The following PCCB variants were observed in gnomAD, a reference collection of about 807,000 sequenced individuals.
The protein encoded by PCCB is propionyl-CoA carboxylase beta chain, mitochondrial.
A neutral mutation model predicts 60.7 loss-of-function variants in PCCB; 43 were observed. The ratio of observed to expected loss-of-function variants is 0.71; its 90% confidence interval spans 0.55 to 0.91. The LOEUF (loss-of-function observed/expected upper bound fraction) is 0.91. PCCB is among the 40% of genes least tolerant of loss of function. The pLI is 0.00. For synonymous variants in PCCB, 276 were observed against 255.9 expected (o/e 1.08, Z -0.75); for missense variants, 766 against 702.8 (o/e 1.09, Z -1.02).
At chr3:136,318,415 T>C (rs994928137) in intron 10 of PCCB, among the ~76,000 whole-genome samples, 3 of 152,152 alleles carry the variant, frequency 2.0e-5, no homozygotes, top group Admixed American at 2.0e-4. Flanking sequence ...GTAAAATATA[T>C]ATAACAAAAT....
intron 9 of PCCB, among the ~76,000 whole-genome samples, chr3:136,307,528 G>A (rs1007759481): frequency 6.6e-6 from 1 of 151,604 alleles, no homozygotes; most frequent in African/African-American, 2.4e-5. Flanking sequence ...GCATCAAAAG[G>A]CATAATTACA....
chr3:136,300,120 G>A (rs567669357), intron 8 of PCCB, among the ~76,000 whole-genome samples: 48 of 151,180 alleles, frequency 3.2e-4, no homozygotes, highest in African/African-American at 1.1e-3. Context: ...ATATCTACAC[G>A]TGTATATATG....
rs370726053 is a variant in PCCB, at chr3:136,256,638, C to A, written c.372+15C>A. ...TCTTCAGTCAGGTATTTCATAACTC[C>A]AATAGTCTGAACTTTTCTTGGAGGG... is the stretch of plus-strand genomic sequence containing the variant. On this transcript the variant is annotated intron_variant, in intron 3 of 14. Coordinates refer to ENST00000251654, the MANE Select transcript of PCCB (RefSeq NM_000532.5). 1.3e-6 allele frequency: 2 copies of A among 1,576,092 alleles called. No homozygotes were observed. Among genetic ancestry groups the A allele is most frequent in the Non-Finnish European group, 1.7e-6 (2 of 1,145,426 alleles).
At chr3:136,267,719 T>C (rs1449117374) in intron 5 of PCCB, among the ~76,000 whole-genome samples, 2 of 152,094 alleles carry the variant, frequency 1.3e-5, no homozygotes, top group African/African-American at 2.4e-5. Context: ...ACTTCTGGAC[T>C]TAAACTGTCC....
At chr3:136,260,662 A>G in intron 4 of PCCB, 127 bp downstream of exon 4, 6 of 798,356 alleles carry the variant, frequency 7.5e-6, no homozygotes, top group Non-Finnish European at 1.3e-5. Flanking sequence ...AAGATGTGCT[A>G]CCAACCCGAA....
intron 9 of PCCB, among the ~76,000 whole-genome samples, chr3:136,308,302 C>T (rs545154632): frequency 2.1e-5 from 3 of 146,108 alleles, no homozygotes; most frequent in Non-Finnish European, 4.4e-5. Context: ...GGCACAATCT[C>T]AGCCCACCGC....
chr3:136,274,189 GT>G (rs573459987), intron 5 of PCCB, among the ~76,000 whole-genome samples: 17 of 148,438 alleles, frequency 1.1e-4, no homozygotes, highest in South Asian at 4.3e-4. Flanking sequence ...TACTTACTTT[GT>G]TTTTTTTTCA....
chr3:136,300,346 G>T (rs1326371107), intron 8 of PCCB, among the ~76,000 whole-genome samples: 1 of 152,162 alleles, frequency 6.6e-6, no homozygotes, highest in Non-Finnish European at 1.5e-5. Context: ...TGTAGCCCCT[G>T]GCTGCCCACA....
chr3:136,270,776 G>A (rs1245452069), intron 5 of PCCB, among the ~76,000 whole-genome samples: 1 of 152,154 alleles, frequency 6.6e-6, no homozygotes, highest in African/African-American at 2.4e-5. Context: ...AAATTACTGG[G>A]ATTACAGGCA....
Position 136,297,991 on chromosome 3 carries a change from T to G in PCCB, c.803T>G (p.Leu268Trp), listed in dbSNP as rs2108202749. The G allele has an allele frequency of 6.2e-7, 1 of 1,614,126 alleles. No homozygotes were observed. The highest frequency in any genetic ancestry group is 8.5e-7 in the Non-Finnish European group (1 of 1,179,960). ...HRAFENDVDA[L>W]CNLRDFFNYL... is the part of the protein sequence containing the mutation. ...GCTTTTGAAAATGATGTTGATGCCT[T>G]GTGTAATCTCCGGGATTTCTTCAAC... is the stretch of plus-strand genomic sequence containing the variant. Residue 268 changes from leucine (L) to tryptophan (W), a missense_variant, in exon 8 of 15, where the codon TTG becomes TGG. Coordinates refer to ENST00000251654, the MANE Select transcript of PCCB (RefSeq NM_000532.5).
In PCCB at chr3:136,262,160, T is replaced by C. The variant is rs536987135; in HGVS notation, c.543+95T>C. ...GCTTCTCCAACTCTCCTCATTGTTC[T>C]CTGCCGCATTGTGTCTGTTCTGTGG... On this transcript the variant is annotated intron_variant, in intron 5 of 14. Transcript: ENST00000251654. 38 of 798,154 alleles carry C rather than the reference T, an allele frequency of 4.8e-5. No homozygotes were observed. In the East Asian group the frequency reaches 9.7e-4, roughly 20 times the overall value. 49.4% of individuals were successfully genotyped at this position (798,154 alleles called of 1,614,324 possible).
intron 9 of PCCB, among the ~76,000 whole-genome samples, chr3:136,315,860 C>T (rs1246148504): frequency 1.3e-5 from 2 of 150,726 alleles, no homozygotes; most frequent in Non-Finnish European, 2.9e-5. Flanking sequence ...ATGTTTATTT[C>T]CTGATTTTGA....
chr3:136,309,283 A>C (rs1934568778), intron 9 of PCCB, among the ~76,000 whole-genome samples: 1 of 151,668 alleles, frequency 6.6e-6, no homozygotes, highest in East Asian at 1.9e-4. Flanking sequence ...AAAAAAAAGA[A>C]AAGAAAAACA....
chr3:136,329,012 A>T (rs1935437613), intron 14 of PCCB, among the ~76,000 whole-genome samples, 155 bp downstream of exon 14: 1 of 152,252 alleles, frequency 6.6e-6, no homozygotes, highest in Non-Finnish European at 1.5e-5. Context: ...CATCACTTGG[A>T]CTAAGGACTG....
chr3:136,250,407 G>T lies in PCCB; in HGVS notation c.32G>T (p.Gly11Val). 6.4e-7 allele frequency: 1 copy of T among 1,570,630 alleles called. No homozygotes were observed. Among genetic ancestry groups the T allele is most frequent in the Non-Finnish European group, 8.6e-7 (1 of 1,157,358 alleles). Residue 11 changes from glycine to valine, a missense_variant, in exon 1 of 15, where the codon GGG (glycine) becomes GTG (valine). Gly to Val is a moderately radical substitution (Grantham distance 109). Transcript: ENST00000251654. ...GCGGCATTACGGGTGGCGGCGGTCG[G>T]GGCAAGGCTCAGCGTTCTGGCGAGC... The part of the protein sequence containing the change: MAAALRVAAV[G>V]ARLSVLASGL...
intron 10 of PCCB, among the ~76,000 whole-genome samples, chr3:136,318,000 C>A (rs1261632985): frequency 6.6e-6 from 1 of 152,166 alleles, no homozygotes; most frequent in East Asian, 1.9e-4. Flanking sequence ...TCTTCATGAC[C>A]TAACCTCATC....
intron 10 of PCCB, among the ~76,000 whole-genome samples, chr3:136,323,232 G>T (rs1262640474): frequency 6.6e-6 from 1 of 152,104 alleles, no homozygotes; most frequent in Non-Finnish European, 1.5e-5. Flanking sequence ...TCCTGTGTAT[G>T]TTGGTTCACA....
At chr3:136,259,873 C>T (rs897475484) in intron 3 of PCCB, among the ~76,000 whole-genome samples, 1 of 152,098 alleles carries the variant, frequency 6.6e-6, no homozygotes, top group South Asian at 2.1e-4. Context: ...CTGCCTCAGC[C>T]TCCCGAGTAG....
intron 9 of PCCB, 45 bp from the exon 10 acceptor site, chr3:136,316,896 C>T (rs751257263): frequency 8.7e-5 from 140 of 1,608,020 alleles, no homozygotes; most frequent in Non-Finnish European, 1.2e-4. Flanking sequence ...ACATCTTATA[C>T]TTGTCTTTAC....
Sources: allele counts gnomAD v4.1 joint callset (sites outside exome capture counted in the v4.1 genomes callset), GRCh38; gene constraint gnomAD v4.1.1; transcripts MANE v1.5; gene names NCBI Gene and HGNC (gene_info 2026-07-23, HGNC 2026-07-21).